Variants in STXBP4 observed in about 807,000 individuals in gnomAD.
The protein encoded by STXBP4 is syntaxin binding protein 4.
STXBP4 carries 55 observed loss-of-function variants against 76.1 expected under a neutral mutation model. That is an observed-to-expected ratio of 0.72 (90% CI 0.58 to 0.91). The LOEUF is 0.91. Ranked by LOEUF, STXBP4 falls within the 40% of genes least tolerant of loss-of-function variation. The pLI is 0.00. For synonymous variants in STXBP4, 201 were observed against 220.2 expected, an observed-to-expected ratio of 0.91 and a Z score of 0.77; for missense variants, 618 against 636.9, an observed-to-expected ratio of 0.97 and a Z score of 0.32.
chr17:55,134,065 A>C (rs1404300020), intron 16 of STXBP4, among the ~76,000 whole-genome samples: 1 of 152,082 alleles, frequency 6.6e-6, no homozygotes, highest in African/African-American at 2.4e-5. Context: ...CAGTACAGGG[A>C]GGGAACATAG....
intron 16 of STXBP4, among the ~76,000 whole-genome samples, chr17:55,102,867 C>T (rs951544424): frequency 1.3e-5 from 2 of 152,178 alleles, no homozygotes; most frequent in African/African-American, 4.8e-5. Context: ...TTGCATTTCT[C>T]TAATGACCAG....
intron 4 of STXBP4, among the ~76,000 whole-genome samples, chr17:54,997,606 A>T (rs1474224564): frequency 6.8e-6 from 1 of 146,202 alleles, no homozygotes; most frequent in African/African-American, 2.5e-5. Flanking sequence ...TATTTTATAT[A>T]TATATATATT....
chr17:55,174,274 C>CTAGA (rs1430033126), downstream of STXBP4, among the ~76,000 whole-genome samples: 2 of 152,222 alleles, frequency 1.3e-5, no homozygotes, highest in Non-Finnish European at 2.9e-5. Flanking sequence ...AAGCTGTTTT[C>CTAGA]TAGAATGGCT....
At chr17:55,094,920 C>T (rs1029197138) in intron 16 of STXBP4, among the ~76,000 whole-genome samples, 2 of 152,120 alleles carry the variant, frequency 1.3e-5, no homozygotes, top group Admixed American at 1.3e-4. Context: ...CCAAAGCTCC[C>T]ACATATTGTG....
rs2080411531 is a variant in STXBP4, at chr17:55,172,379, A to C, written c.*12468A>C. On this transcript the variant is annotated 3_prime_UTR_variant, in exon 18 of 18. Coordinates refer to ENST00000376352, the MANE Select transcript of STXBP4 (RefSeq NM_178509.6). ...TGATTTCAATGTGTAGCCAAGGTTC[A>C]CTGCCATAGCCTGTCCTGGAATGCA... is the stretch of plus-strand genomic sequence containing the variant. 1 of 152,222 alleles carries C rather than the reference A, an allele frequency of 6.6e-6. No individual in the cohort carries two copies. The highest frequency in any genetic ancestry group is 1.5e-5 in the Non-Finnish European group (1 of 68,034). 9.4% of individuals were successfully genotyped at this position (152,222 alleles called of 1,614,324 possible). A position where few individuals can be genotyped will look rare whatever the true frequency, so the allele number is the denominator to read the frequency against.
At chr17:55,185,239 TCTTCTTCTTCTC>T in the STXBP4 span, among the ~76,000 whole-genome samples, 33 of 46,320 alleles carry the variant, frequency 7.1e-4, no homozygotes, top group East Asian at 1.5e-3. Context: ...TTCTTCTTCT[TCTTCTTCTTCTC>T]CTTCTCCTTC....
At chr17:55,100,472 A>G (rs969204268) in intron 16 of STXBP4, among the ~76,000 whole-genome samples, 12 of 152,222 alleles carry the variant, frequency 7.9e-5, no homozygotes, top group African/African-American at 2.9e-4. Context: ...ATGAACTTAC[A>G]TGTTTAAACA....
intron 12 of STXBP4, among the ~76,000 whole-genome samples, chr17:55,061,947 G>A (rs2078999316): frequency 6.6e-6 from 1 of 152,090 alleles, no homozygotes; most frequent in South Asian, 2.1e-4. Flanking sequence ...GGGGAGGTTG[G>A]ATAAAGAGTG....
chr17:55,092,312 CAAT>C (rs1362812160), intron 16 of STXBP4, among the ~76,000 whole-genome samples: 9 of 151,912 alleles, frequency 5.9e-5, no homozygotes, highest in Non-Finnish European at 1.2e-4. Context: ...ATTGAAATAA[CAAT>C]AAATAAATAA....
chr17:55,037,249 T>C (rs2078618819), intron 10 of STXBP4, among the ~76,000 whole-genome samples: 1 of 152,150 alleles, frequency 6.6e-6, no homozygotes, highest in Non-Finnish European at 1.5e-5. Context: ...GAGCATTGTT[T>C]TTTACTGCCA....
In STXBP4 at chr17:55,077,639, A is replaced by C. The variant is rs557652534; in HGVS notation, c.1189-439A>C. ...TGGGCTCACTTGGCATCGCTGTTGC[A>C]TGTCTCCATGGAATTCCTTTACTTC... On this transcript the variant is annotated intron_variant, in intron 13 of 17. Transcript: ENST00000376352. Among the ~76,000 whole-genome samples the C allele has an allele frequency of 1.9e-3, 284 of 149,604 alleles. 2 individuals are homozygous for C. Among genetic ancestry groups the C allele is most frequent in the Non-Finnish European group, 2.2e-3 (150 of 67,562 alleles).
chr17:54,986,671 A>G (rs1296230082), intron 3 of STXBP4, among the ~76,000 whole-genome samples: 1 of 152,244 alleles, frequency 6.6e-6, no homozygotes, highest in Non-Finnish European at 1.5e-5. Flanking sequence ...TACATTTTTA[A>G]AAACTCTTTT....
intron 1 of STXBP4, among the ~76,000 whole-genome samples, chr17:54,982,266 C>G (rs1254722217): frequency 6.6e-6 from 1 of 152,102 alleles, no homozygotes; most frequent in Non-Finnish European, 1.5e-5. Context: ...CTAAGTCTTA[C>G]TCAAACACCA....
intron 12 of STXBP4, among the ~76,000 whole-genome samples, chr17:55,048,686 A>G (rs2078822353): frequency 6.6e-6 from 1 of 151,884 alleles, no homozygotes; most frequent in Admixed American, 6.6e-5. Flanking sequence ...GAAGAGACAA[A>G]ATCCTATCAG....
At position 54,977,563 on chromosome 17, in the gene STXBP4, T is replaced by C. The variant is rs1180063289; in HGVS notation, c.-156-8051T>C. On this transcript the variant is annotated intron_variant, in intron 1 of 17. Coordinates refer to ENST00000376352, the MANE Select transcript of STXBP4 (RefSeq NM_178509.6). ...GGTATCTGCAGTGTCCTGGAACAAG[T>C]TCCCTGAAAATACTGAGGGATGACT... Among the ~76,000 whole-genome samples, 3 of 152,228 alleles carry C rather than the reference T, an allele frequency of 2.0e-5. No individual in the cohort carries two copies. In the East Asian group the frequency reaches 5.8e-4, roughly 29 times the overall value.
chr17:54,993,815 A>G (rs1442087607), intron 4 of STXBP4, among the ~76,000 whole-genome samples: 3 of 152,218 alleles, frequency 2.0e-5, no homozygotes, highest in African/African-American at 7.2e-5. Flanking sequence ...TTAACATTAT[A>G]ATGTTTCATA....
chr17:55,190,235 A>G, the STXBP4 span, among the ~76,000 whole-genome samples: 162 of 152,328 alleles, frequency 1.1e-3, 1 homozygote, highest in Non-Finnish European at 6.0e-4. Context: ...AGCAAGGAAC[A>G]GAACAATCCC....
At chr17:55,050,629 T>G (rs2078847428) in intron 12 of STXBP4, among the ~76,000 whole-genome samples, 1 of 152,164 alleles carries the variant, frequency 6.6e-6, no homozygotes, top group African/African-American at 2.4e-5. Flanking sequence ...AACATGTACC[T>G]AGAAGTAAGA....
chr17:55,183,610 A>G, the STXBP4 span, among the ~76,000 whole-genome samples: 3 of 152,216 alleles, frequency 2.0e-5, no homozygotes, highest in Non-Finnish European at 4.4e-5. Flanking sequence ...AACAAAGGTC[A>G]ACTATAACTG....
Sources: allele counts gnomAD v4.1 joint callset (sites outside exome capture counted in the v4.1 genomes callset), GRCh38; gene constraint gnomAD v4.1.1; transcripts MANE v1.5; gene names NCBI Gene and HGNC (gene_info 2026-07-23, HGNC 2026-07-21).